The following ARRDC4 variants were observed in gnomAD, a reference collection of about 807,000 sequenced individuals.
ARRDC4 encodes arrestin domain-containing protein 4.
Under a neutral mutation model 44.6 loss-of-function variants are expected in ARRDC4, and 40 were observed. That is an observed-to-expected ratio of 0.90 (90% CI 0.70 to 1.17). The LOEUF (loss-of-function observed/expected upper bound fraction) is 1.17. Among genes scored for constraint, ARRDC4 ranks in the 50% most tolerant of loss-of-function variants. ARRDC4 has a pLI of 0.00. For missense variants in ARRDC4, 550 were observed against 559.1 expected, an observed-to-expected ratio of 0.98 and a Z score of 0.16; for synonymous variants, 211 against 221.2, an observed-to-expected ratio of 0.95 and a Z score of 0.41.
At position 97,973,150 on chromosome 15, in the gene ARRDC4, G is replaced by A. The variant is rs1899543631; in HGVS notation, c.*1963G>A. On this transcript the variant is annotated 3_prime_UTR_variant, in exon 8 of 8. Transcript: ENST00000268042. ...TTCTGAGTTATATAGTTCATGCCCT[G>A]CCAAGGCATTGTTCGACTCCATGAT... is the stretch of plus-strand genomic sequence containing the variant. 1 of 152,310 alleles carries A rather than the reference G, an allele frequency of 6.6e-6. No homozygotes were observed. Among genetic ancestry groups the A allele is most frequent in the South Asian group, 2.1e-4 (1 of 4,828 alleles). The allele number at this position is 152,310 out of a possible 1,614,324, so 9.4% of individuals were successfully genotyped here.
At position 97,969,854 on chromosome 15, in the gene ARRDC4, C is replaced by CTTTT. The variant is rs1182062878; in HGVS notation, c.883-28_883-27insTTTT. 5 of 1,375,926 alleles carry CTTTT rather than the reference C, an allele frequency of 3.6e-6. No homozygotes were observed. The African/African-American group carries it at 1.1e-4, about 29-fold the overall frequency. 85.2% of individuals were successfully genotyped at this position (1,375,926 alleles called of 1,614,324 possible). On this transcript the variant is annotated intron_variant, in intron 5 of 7. Transcript: ENST00000268042. ...AGGTGTAGCTTACATTTGTTCCTTT[C>CTTTT]TCTTTTTTTTTTTTTTTTGGCTTAT...
At chr15:97,971,077 G>A in intron 7 of ARRDC4, 54 bp from the exon 8 acceptor site, 1 of 1,563,342 alleles carries the variant, frequency 6.4e-7, no homozygotes, top group Middle Eastern at 1.7e-4. Flanking sequence ...ATAGGTACTA[G>A]AATCGTTTTA....
rs763761032 is a variant in ARRDC4 at position 97,970,724 on chromosome 15, C to T, written c.1181C>T (p.Pro394Leu). The T allele has an allele frequency of 6.2e-7, 1 of 1,612,854 alleles. No homozygotes were observed. Among genetic ancestry groups the T allele is most frequent in the African/African-American group, 1.3e-5 (1 of 74,858 alleles). Residue 394 changes from proline (P) to leucine (L), a missense_variant, in exon 7 of 8, where the codon CCC becomes CTC. Physicochemically the swap from Pro to Leu is moderately conservative, Grantham distance 98 (BLOSUM62 -3). Coordinates refer to ENST00000268042, the MANE Select transcript of ARRDC4 (RefSeq NM_183376.3). The surrounding 1 kb of genome is among the most constrained non-coding windows in gnomAD (Gnocchi z 4.2). ...TGTATACAAGAATTCCGGTTTCAAC[C>T]CCCACCTCTTTATTCAGAGGTAAGC... Reference protein sequence around the residue: ...FACIQEFRFQPPPLYSEVDPH... With the variant: ...FACIQEFRFQLPPLYSEVDPH...
intron 1 of ARRDC4, among the ~76,000 whole-genome samples, chr15:97,962,145 C>T (rs999482253): frequency 6.6e-6 from 1 of 152,158 alleles, no homozygotes; most frequent in African/African-American, 2.4e-5. Context: ...AGAGTAAACG[C>T]ATTATATCTA....
Position 97,961,118 on chromosome 15 carries a change from C to T in ARRDC4, c.257C>T (p.Ser86Leu), listed in dbSNP as rs751955451. The change falls in exon 1 of 8, where the codon TCG becomes TTG. Residue 86 changes from serine to leucine, a missense_variant. Coordinates refer to ENST00000268042, the MANE Select transcript of ARRDC4 (RefSeq NM_183376.3). Reference protein sequence around the residue: ...SASTAALAVFSEVEYLNVRLS... With the variant: ...SASTAALAVFLEVEYLNVRLS... ...AGCACCGCGGCCCTGGCTGTCTTCTCGGAGGTGGAGTACCTGAACGTGCGC... is the reference window on the plus strand; with the variant it reads ...AGCACCGCGGCCCTGGCTGTCTTCTTGGAGGTGGAGTACCTGAACGTGCGC... The T allele has an allele frequency of 2.1e-6, 3 of 1,459,548 alleles. No homozygotes were observed. The highest frequency in any genetic ancestry group is 1.5e-5 in the African/African-American group (1 of 67,664). The allele number at this position is 1,459,548 out of a possible 1,614,324, so 90.4% of individuals were successfully genotyped here. A position where few individuals can be genotyped will look rare whatever the true frequency, so the allele number is the denominator to read the frequency against.
In ARRDC4 at chr15:97,967,642, T is replaced by C. The variant is rs1899440468; in HGVS notation, c.523-372T>C. On this transcript the variant is annotated intron_variant, in intron 3 of 7. Coordinates refer to ENST00000268042, the MANE Select transcript of ARRDC4 (RefSeq NM_183376.3). The surrounding 1 kb of genome is among the most constrained non-coding windows in gnomAD (Gnocchi z 5.0). ...TTTTTATTTTTATATCATTTATCCT[T>C]CCACCTGACTTTTATATATAAAGTC... 6.6e-6 allele frequency among the ~76,000 whole-genome samples: 1 copy of C among 152,182 alleles called. No homozygotes were observed.
At chr15:97,971,099 A>G in intron 7 of ARRDC4, 32 bp from the exon 8 acceptor site, 2 of 1,608,510 alleles carry the variant, frequency 1.2e-6, no homozygotes, top group Non-Finnish European at 1.7e-6. Context: ...ATAATGCTAC[A>G]ACACTAATCT....
chr15:97,966,888 C>T lies in ARRDC4; in HGVS notation c.522+846C>T, dbSNP rs573508745. 2.0e-5 allele frequency among the ~76,000 whole-genome samples: 3 copies of T among 152,160 alleles called. No homozygotes were observed. Among genetic ancestry groups the T allele is most frequent in the Non-Finnish European group, 4.4e-5 (3 of 68,000 alleles). On this transcript the variant is annotated intron_variant, in intron 3 of 7. Coordinates refer to ENST00000268042, the MANE Select transcript of ARRDC4 (RefSeq NM_183376.3). The surrounding 1 kb of genome is among the most constrained non-coding windows in gnomAD (Gnocchi z 4.7). ...ACTGATGTGACAAAGATGTATTTTTCATGTTGGAGGTTTTTCTAGCCTGTG... is the reference window on the plus strand; with the variant it reads ...ACTGATGTGACAAAGATGTATTTTTTATGTTGGAGGTTTTTCTAGCCTGTG...
intron 5 of ARRDC4, 41 bp from the exon 6 acceptor site, chr15:97,969,842 A>G (rs755613458): frequency 2.0e-6 from 3 of 1,513,882 alleles, no homozygotes; most frequent in Non-Finnish European, 2.7e-6. Context: ...TGTAGCTTAC[A>G]TTTGTTCCTT....
Position 97,970,058 on chromosome 15 carries a change from G to A in ARRDC4, c.1045+13G>A. ...GAGCAGCCTGAAGGTAAAATATGTT[G>A]GCGTTCTTTCATAACGAAGCTTTAC... On this transcript the variant is annotated intron_variant, in intron 6 of 7. Coordinates refer to ENST00000268042, the MANE Select transcript of ARRDC4 (RefSeq NM_183376.3). The surrounding 1 kb of genome is among the most constrained non-coding windows in gnomAD (Gnocchi z 4.2). The A allele has an allele frequency of 6.3e-7, 1 of 1,599,670 alleles. No homozygotes were observed. The highest frequency in any genetic ancestry group is 1.1e-5 in the South Asian group (1 of 90,480).
intron 4 of ARRDC4, 119 bp from the exon 5 acceptor site, chr15:97,969,004 C>T: frequency 9.3e-7 from 1 of 1,070,204 alleles, no homozygotes; most frequent in East Asian, 2.4e-5. Context: ...TGTTTTCCAT[C>T]AAAGCTTCTC....
chr15:97,961,331 C>A (rs938327379), intron 1 of ARRDC4, among the ~76,000 whole-genome samples, 163 bp downstream of exon 1: 4 of 152,160 alleles, frequency 2.6e-5, no homozygotes, highest in African/African-American at 9.6e-5. Context: ...GACCGCAAGT[C>A]CTGGGTGCGC....
chr15:97,964,558 T>A (rs1899382156), intron 1 of ARRDC4, among the ~76,000 whole-genome samples: 1 of 152,218 alleles, frequency 6.6e-6, no homozygotes, highest in Admixed American at 6.5e-5. Flanking sequence ...GTTTCAGTGG[T>A]GCCTCTGGCC....
chr15:97,967,800 C>T lies in ARRDC4; in HGVS notation c.523-214C>T, dbSNP rs959867504. 5.3e-5 allele frequency among the ~76,000 whole-genome samples: 8 copies of T among 151,920 alleles called. No homozygotes were observed. Among genetic ancestry groups the T allele is most frequent in the Non-Finnish European group, 1.2e-4 (8 of 67,982 alleles). ...GATGGTGTCATGCTAATTTTTGAAT[C>T]TGAAAATTCACTGTAGTTTTCCTAA... On this transcript the variant is annotated intron_variant, in intron 3 of 7. Coordinates refer to ENST00000268042, the MANE Select transcript of ARRDC4 (RefSeq NM_183376.3). This position sits in a 1 kb window ranked among gnomAD's most constrained non-coding sequence, Gnocchi z 5.0.
chr15:97,970,632 T>C lies in ARRDC4; in HGVS notation c.1089T>C (p.Ser363=). 1 of 1,613,306 alleles carries C rather than the reference T, an allele frequency of 6.2e-7. No homozygotes were observed. The highest frequency in any genetic ancestry group is 8.5e-7 in the Non-Finnish European group (1 of 1,179,428). The change falls in exon 7 of 8, where the codon TCT becomes TCC. Residue 363 remains serine, a synonymous_variant. Transcript: ENST00000268042. This position sits in a 1 kb window ranked among gnomAD's most constrained non-coding sequence, Gnocchi z 4.2. ...ATGTGGTATCAGAGGAAGAATTCTC[T>C]AGACACATTCCTCCTTACCCTCAAC... The part of the protein sequence containing the change: ...YADVVSEEEF[S]RHIPPYPQPP...
In ARRDC4 at chr15:97,967,352, G is replaced by A. The variant is rs954842109; in HGVS notation, c.523-662G>A. 3.9e-5 allele frequency among the ~76,000 whole-genome samples: 6 copies of A among 152,030 alleles called. No homozygotes were observed. The highest frequency in any genetic ancestry group is 7.2e-5 in the African/African-American group (3 of 41,386). ...CAGAAAGCTTTGGTGTGTGTAACTC[G>A]TAAACTGAACATTGTAAATCTTGTA... On this transcript the variant is annotated intron_variant, in intron 3 of 7. Transcript: ENST00000268042. The surrounding 1 kb of genome is among the most constrained non-coding windows in gnomAD (Gnocchi z 5.0).
intron 1 of ARRDC4, among the ~76,000 whole-genome samples, chr15:97,962,499 A>G (rs1207783999): frequency 6.6e-6 from 1 of 152,202 alleles, no homozygotes; most frequent in Non-Finnish European, 1.5e-5. Flanking sequence ...CTCTGGGCCT[A>G]TAACTGCTGA....
Position 97,969,666 on chromosome 15 carries a change from A to G in ARRDC4, c.883-217A>G, listed in dbSNP as rs74031757. 0.032 allele frequency among the ~76,000 whole-genome samples: 4,872 copies of G among 152,260 alleles called. 279 individuals carry two copies. Among genetic ancestry groups the G allele is most frequent in the African/African-American group, 0.11 (4,581 of 41,538 alleles). ...ATATAAGCCATGCAAACCTACAATG[A>G]TGCATGTTAAGGACACAGTTCTCTG... On this transcript the variant is annotated intron_variant, in intron 5 of 7. Coordinates refer to ENST00000268042, the MANE Select transcript of ARRDC4 (RefSeq NM_183376.3).
At position 97,961,388 on chromosome 15, in the gene ARRDC4, C is replaced by T. The variant is rs890486393; in HGVS notation, c.307+220C>T. Among the ~76,000 whole-genome samples the T allele has an allele frequency of 3.9e-5, 6 of 152,192 alleles. No individual in the cohort carries two copies. In the East Asian group the frequency reaches 5.8e-4, roughly 15 times the overall value. On this transcript the variant is annotated intron_variant, in intron 1 of 7. Transcript: ENST00000268042. ...CCTGGCCCGCCGGGCCTGACCGGGA[C>T]CAGTGGCTCGGGATTTTCTAGGACC...
Sources: allele counts gnomAD v4.1 joint callset (sites outside exome capture counted in the v4.1 genomes callset), GRCh38; gene constraint gnomAD v4.1.1; non-coding constraint Gnocchi (gnomAD v3.1); transcripts MANE v1.5; gene names NCBI Gene and HGNC (gene_info 2026-07-23, HGNC 2026-07-21).